KCNQ1OT1: variants seen among roughly 807,000 people sequenced by gnomAD.
The protein encoded by KCNQ1OT1 is KCNQ1 antisense RNA 2 (non-protein coding).
chr11:2,675,704 A>T (rs767933731), exon 1 of KCNQ1OT1: 6 of 398,292 alleles, frequency 1.5e-5, no homozygotes, highest in Admixed American at 4.4e-5. Flanking sequence ...CCTGTCAAAA[A>T]CCTCTTTGTG....
chr11:2,615,742 A>G, exon 1 of KCNQ1OT1: 1 of 398,108 alleles, frequency 2.5e-6, no homozygotes. Flanking sequence ...CCATGTGGTC[A>G]TGATATATAA....
rs1850586531 is a variant in KCNQ1OT1 at position 2,691,456 on chromosome 11, G to A, written n.8539C>T. On this transcript the variant is annotated non_coding_transcript_exon_variant, in exon 1 of 1. Transcript: ENST00000597346. This position sits in a 1 kb window ranked among gnomAD's most constrained non-coding sequence, Gnocchi z 6.4. ...TCCCTGCCCCCACTGAGTCTCTGAT[G>A]TTGACAGCCTCTTTGTTTTTTCATC... is the stretch of plus-strand genomic sequence containing the variant. The A allele has an allele frequency of 5.0e-6, 2 of 398,468 alleles. No individual in the cohort carries two copies. Among genetic ancestry groups the A allele is most frequent in the African/African-American group, 2.1e-5 (1 of 48,602 alleles). 24.7% of individuals were successfully genotyped at this position (398,468 alleles called of 1,614,324 possible). A position where few individuals can be genotyped will look rare whatever the true frequency, so the allele number is the denominator to read the frequency against.
exon 1 of KCNQ1OT1, chr11:2,640,562 CTTT>C (rs58881533): frequency 0.13 from 36,694 of 282,834 alleles, 62 homozygotes; most frequent in East Asian, 0.24. Flanking sequence ...CTGGGATTTC[CTTT>C]TTTTTTTTTT....
At position 2,613,539 on chromosome 11, in the gene KCNQ1OT1, T is replaced by C. The variant is rs562874854; in HGVS notation, n.86456A>G. 9 of 398,450 alleles carry C rather than the reference T, an allele frequency of 2.3e-5. No individual in the cohort carries two copies. The highest frequency in any genetic ancestry group is 1.6e-4 in the African/African-American group (8 of 48,726). The allele number at this position is 398,450 out of a possible 1,614,324, so 24.7% of individuals were successfully genotyped here. A position where few individuals can be genotyped will look rare whatever the true frequency, so the allele number is the denominator to read the frequency against. ...GAGATGGCAGCCCCACGTTAAATCA[T>C]AACCCTGCTATTCTTAGGAAGGCTT... On this transcript the variant is annotated non_coding_transcript_exon_variant, in exon 1 of 1. Coordinates refer to ENST00000597346, the Ensembl canonical transcript of KCNQ1OT1. This position sits in a 1 kb window ranked among gnomAD's most constrained non-coding sequence, Gnocchi z 4.8.
At chr11:2,649,431 A>G in exon 1 of KCNQ1OT1, 2 of 398,300 alleles carry the variant, frequency 5.0e-6, no homozygotes, top group Non-Finnish European at 8.8e-6. Flanking sequence ...CTACTTCCAG[A>G]TGTAGTACTC....
exon 1 of KCNQ1OT1, chr11:2,640,940 G>T (rs1191922675): frequency 5.0e-5 from 20 of 398,856 alleles, no homozygotes; most frequent in Admixed American, 2.6e-4. Context: ...ATCTTTCTGT[G>T]CCTGGCTTAA....
exon 1 of KCNQ1OT1, chr11:2,618,803 A>G: frequency 5.0e-6 from 2 of 398,376 alleles, no homozygotes. Flanking sequence ...TATTATTCAG[A>G]TTCATGAGCA....
rs1255465839 is a variant in KCNQ1OT1 at position 2,653,130 on chromosome 11, C to T, written n.46865G>A. 3 of 398,648 alleles carry T rather than the reference C, an allele frequency of 7.5e-6. No homozygotes were observed. The highest frequency in any genetic ancestry group is 6.2e-5 in the African/African-American group (3 of 48,652). 24.7% of individuals were successfully genotyped at this position (398,648 alleles called of 1,614,324 possible). On this transcript the variant is annotated non_coding_transcript_exon_variant, in exon 1 of 1. Coordinates refer to ENST00000597346, the Ensembl canonical transcript of KCNQ1OT1. The surrounding 1 kb of genome is among the most constrained non-coding windows in gnomAD (Gnocchi z 5.3). Reference sequence around the variant, plus strand: ...GAAGGTTTGGGGAGATGAGGACTTGCATCACAGCAGTAGAAAGCCAATGTC... The same window carrying T: ...GAAGGTTTGGGGAGATGAGGACTTGTATCACAGCAGTAGAAAGCCAATGTC...
At position 2,612,771 on chromosome 11, in the gene KCNQ1OT1, C is replaced by T. The variant is rs898027141; in HGVS notation, n.87224G>A. On this transcript the variant is annotated non_coding_transcript_exon_variant, in exon 1 of 1. Transcript: ENST00000597346. This position sits in a 1 kb window ranked among gnomAD's most constrained non-coding sequence, Gnocchi z 5.5. Reference sequence around the variant, plus strand: ...CTATTTATTGCTCATTATTCTTGTTCAAGGGTCACAATTTTCTGTTTCTTT... The same window carrying T: ...CTATTTATTGCTCATTATTCTTGTTTAAGGGTCACAATTTTCTGTTTCTTT... 7.5e-6 allele frequency: 3 copies of T among 398,370 alleles called. No individual in the cohort carries two copies. Among genetic ancestry groups the T allele is most frequent in the African/African-American group, 4.1e-5 (2 of 48,606 alleles). 24.7% of individuals were successfully genotyped at this position (398,370 alleles called of 1,614,324 possible). A position where few individuals can be genotyped will look rare whatever the true frequency, so the allele number is the denominator to read the frequency against.
chr11:2,634,128 C>T (rs1225988946), exon 1 of KCNQ1OT1: 1 of 339,942 alleles, frequency 2.9e-6, no homozygotes, highest in Non-Finnish European at 4.9e-6. Context: ...TGAAGATTGT[C>T]TTTGGTATTT....
chr11:2,648,615 T>C (rs1849703837), exon 1 of KCNQ1OT1: 2 of 398,478 alleles, frequency 5.0e-6, no homozygotes, highest in Admixed American at 4.4e-5. Context: ...TCCAGTTTTA[T>C]TCCATTGTGG....
exon 1 of KCNQ1OT1, chr11:2,633,664 C>T (rs1849400746): frequency 2.5e-6 from 1 of 398,312 alleles, no homozygotes; most frequent in African/African-American, 2.1e-5. Flanking sequence ...TGTCAAAAAC[C>T]AGTTGTCTGT....
chr11:2,686,256 C>T (rs1850487800), exon 1 of KCNQ1OT1: 1 of 398,644 alleles, frequency 2.5e-6, no homozygotes. Flanking sequence ...CAGCAAATGT[C>T]TGCCACCCCA....
Position 2,653,170 on chromosome 11 carries a change from C to G in KCNQ1OT1, n.46825G>C, listed in dbSNP as rs946330322. The G allele has an allele frequency of 7.5e-6, 3 of 398,616 alleles. No individual in the cohort carries two copies. Among genetic ancestry groups the G allele is most frequent in the Non-Finnish European group, 1.3e-5 (3 of 226,120 alleles). 24.7% of individuals were successfully genotyped at this position (398,616 alleles called of 1,614,324 possible). Reference sequence around the variant, plus strand: ...AAGCCAATGTCCCACCTTAGGAAATCCCTTTCCAAGAGTTCCCTGTGCTGT... The same window carrying G: ...AAGCCAATGTCCCACCTTAGGAAATGCCTTTCCAAGAGTTCCCTGTGCTGT... On this transcript the variant is annotated non_coding_transcript_exon_variant, in exon 1 of 1. Coordinates refer to ENST00000597346, the Ensembl canonical transcript of KCNQ1OT1. This position sits in a 1 kb window ranked among gnomAD's most constrained non-coding sequence, Gnocchi z 5.3.
rs1225024336 is a variant in KCNQ1OT1 at position 2,664,718 on chromosome 11, G to A, written n.35277C>T. ...CCCTGAACTGGGAAGAGAGGCACAC[G>A]CCCTGGTGTGTGTGAGGGACAGGGA... On this transcript the variant is annotated non_coding_transcript_exon_variant, in exon 1 of 1. Coordinates refer to ENST00000597346, the Ensembl canonical transcript of KCNQ1OT1. This position sits in a 1 kb window ranked among gnomAD's most constrained non-coding sequence, Gnocchi z 5.1. 1.8e-5 allele frequency: 7 copies of A among 398,630 alleles called. No individual in the cohort carries two copies. Among genetic ancestry groups the A allele is most frequent in the East Asian group, 7.1e-5 (2 of 28,096 alleles). 24.7% of individuals were successfully genotyped at this position (398,630 alleles called of 1,614,324 possible).
In KCNQ1OT1 at chr11:2,678,080, C is replaced by CT. The variant is rs1310694995; in HGVS notation, n.21914dup. On this transcript the variant is annotated non_coding_transcript_exon_variant, in exon 1 of 1. Coordinates refer to ENST00000597346, the Ensembl canonical transcript of KCNQ1OT1. The surrounding 1 kb of genome is among the most constrained non-coding windows in gnomAD (Gnocchi z 4.9). ...CTTTGGACTTTGTAAAATACCTTGT[C>CT]TTACTGATTTGTAGAAACTTGCTTT... 1 of 398,174 alleles carries CT rather than the reference C, an allele frequency of 2.5e-6. No individual in the cohort carries two copies. The highest frequency in any genetic ancestry group is 4.4e-6 in the Non-Finnish European group (1 of 225,956). 24.7% of individuals were successfully genotyped at this position (398,174 alleles called of 1,614,324 possible). A position where few individuals can be genotyped will look rare whatever the true frequency, so the allele number is the denominator to read the frequency against.
At chr11:2,610,530 T>C in exon 1 of KCNQ1OT1, 1 of 398,492 alleles carries the variant, frequency 2.5e-6, no homozygotes, top group East Asian at 3.6e-5. Context: ...ATTTACCTCC[T>C]TGCTCTTTGC....
chr11:2,609,717 A>G (rs2133788983), exon 1 of KCNQ1OT1: 1 of 398,342 alleles, frequency 2.5e-6, no homozygotes, highest in East Asian at 3.6e-5. Flanking sequence ...TTAGGTGAAT[A>G]TATGTTTATA....
Position 2,687,996 on chromosome 11 carries a change from C to G in KCNQ1OT1, n.11999G>C. 1 of 398,730 alleles carries G rather than the reference C, an allele frequency of 2.5e-6. No homozygotes were observed. The highest frequency in any genetic ancestry group is 4.4e-6 in the Non-Finnish European group (1 of 226,162). 24.7% of individuals were successfully genotyped at this position (398,730 alleles called of 1,614,324 possible). A position where few individuals can be genotyped will look rare whatever the true frequency, so the allele number is the denominator to read the frequency against. The stretch of plus-strand genomic sequence containing the variant: ...TGCTTCCCTTTGATGTCTCCTCGTG[C>G]GAGGGAGGGGTCAGCACCCCTCTAG... On this transcript the variant is annotated non_coding_transcript_exon_variant, in exon 1 of 1. Transcript: ENST00000597346. This position sits in a 1 kb window ranked among gnomAD's most constrained non-coding sequence, Gnocchi z 5.0.
Sources: gnomAD v4.1 joint callset for allele counts on GRCh38, gnomAD v4.1.1 for gene constraint, Gnocchi (gnomAD v3.1) non-coding constraint, MANE v1.5 for transcripts, NCBI Gene and HGNC (gene_info 2026-07-23, HGNC 2026-07-21) for gene names.